The following FAM193A variants were observed in gnomAD, a reference collection of about 807,000 sequenced individuals.
FAM193A encodes protein FAM193A.
A neutral mutation model predicts 126.5 loss-of-function variants in FAM193A; 22 were observed. The ratio of observed to expected loss-of-function variants is 0.17; its 90% confidence interval spans 0.12 to 0.25. The LOEUF is 0.25. Ranked by LOEUF, FAM193A falls within the 10% of genes least tolerant of loss-of-function variation. FAM193A has a pLI of 1.00. For synonymous variants in FAM193A, 761 were observed against 646.8 expected (o/e 1.18, Z -2.68); for missense variants, 1,675 against 1,672.8 (o/e 1.00, Z -0.02).
At chr4:2,625,487 G>T in intron 3 of FAM193A, 92 bp downstream of exon 3, 1 of 582,334 alleles carries the variant, frequency 1.7e-6, no homozygotes, top group South Asian at 2.0e-5. Flanking sequence ...GGGCTAATGT[G>T]ACAGACAGCA....
intron 14 of FAM193A, among the ~76,000 whole-genome samples, chr4:2,690,085 C>G (rs1716192196): frequency 6.6e-6 from 1 of 152,234 alleles, no homozygotes. Context: ...GAAAGTGCCA[C>G]AGTTGACTTA....
At chr4:2,536,283 G>T (rs1057380468), upstream of FAM193A, among the ~76,000 whole-genome samples, 8 of 151,596 alleles carry the variant, frequency 5.3e-5, no homozygotes, top group African/African-American at 1.9e-4. Flanking sequence ...CCCTACGCCC[G>T]ACCACAACGC....
chr4:2,597,416 T>C (rs143586744), intron 2 of FAM193A, among the ~76,000 whole-genome samples: 121 of 152,322 alleles, frequency 7.9e-4, no homozygotes, highest in African/African-American at 2.7e-3. Flanking sequence ...CATTAAACTT[T>C]ATCAGCTCTT....
intron 1 of FAM193A, among the ~76,000 whole-genome samples, chr4:2,579,592 G>A (rs533993172): frequency 3.9e-5 from 6 of 152,126 alleles, no homozygotes; most frequent in South Asian, 2.1e-4. Context: ...CCAGTTACTC[G>A]GGAGGCTGAG....
At chr4:2,590,463 CAAAAA>C (rs774897240) in intron 1 of FAM193A, among the ~76,000 whole-genome samples, 3 of 13,564 alleles carry the variant, frequency 2.2e-4, no homozygotes, top group African/African-American at 8.3e-4. Context: ...GACTCCATCT[CAAAAA>C]AAAAAAACAA....
At chr4:2,634,880 A>T in intron 5 of FAM193A, among the ~76,000 whole-genome samples, 1 of 152,210 alleles carries the variant, frequency 6.6e-6, no homozygotes, top group East Asian at 1.9e-4. Flanking sequence ...CTGGGTAGAG[A>T]CTACAATGAA....
intron 5 of FAM193A, among the ~76,000 whole-genome samples, chr4:2,638,244 C>T (rs180957091): frequency 1.9e-4 from 29 of 152,334 alleles, no homozygotes; most frequent in African/African-American, 6.3e-4. Context: ...TTCTGTTCCC[C>T]GGGAACTCCT....
At position 2,539,457 on chromosome 4, in the gene FAM193A, G is replaced by C. The variant is rs572579605; in HGVS notation, c.255+2287G>C. Reference sequence around the variant, plus strand: ...TTTAAAAGAGACACGGTCTCTCTCTGTTGCATAGGCTAGAGTACAGTTGCC... The same window carrying C: ...TTTAAAAGAGACACGGTCTCTCTCTCTTGCATAGGCTAGAGTACAGTTGCC... On this transcript the variant is annotated intron_variant, in intron 1 of 20. Transcript: ENST00000637812. 5.9e-5 allele frequency among the ~76,000 whole-genome samples: 9 copies of C among 152,220 alleles called. No individual in the cohort carries two copies. In the East Asian group the frequency reaches 7.7e-4, roughly 13 times the overall value.
At chr4:2,675,370 T>C (rs1714276984) in intron 13 of FAM193A, among the ~76,000 whole-genome samples, 2 of 152,230 alleles carry the variant, frequency 1.3e-5, no homozygotes, top group Non-Finnish European at 2.9e-5. Context: ...TTCCATTGAT[T>C]CATCGGTTTC....
intron 1 of FAM193A, among the ~76,000 whole-genome samples, chr4:2,549,810 C>G (rs908482923): frequency 2.0e-5 from 3 of 152,022 alleles, no homozygotes; most frequent in African/African-American, 7.3e-5. Flanking sequence ...TCACTGCAAC[C>G]TCTGCCTCCT....
At chr4:2,642,158 G>A (rs937210631) in intron 6 of FAM193A, among the ~76,000 whole-genome samples, 9 of 144,338 alleles carry the variant, frequency 6.2e-5, no homozygotes, top group Non-Finnish European at 9.0e-5. Flanking sequence ...AAAAAAATTA[G>A]CTGGGCATGG....
intron 13 of FAM193A, among the ~76,000 whole-genome samples, chr4:2,678,791 T>C (rs79705497): frequency 2.8e-3 from 423 of 152,376 alleles, no homozygotes; most frequent in African/African-American, 7.7e-3. Context: ...CCTACTTTGC[T>C]GAATTCATCT....
chr4:2,662,369 C>T (rs1482567307), intron 10 of FAM193A, among the ~76,000 whole-genome samples: 6 of 152,130 alleles, frequency 3.9e-5, no homozygotes, highest in Non-Finnish European at 7.4e-5. Flanking sequence ...CTGACTATTT[C>T]TGAAAATTTC....
At chr4:2,708,947 TAACAG>T (rs978399073) in intron 19 of FAM193A, among the ~76,000 whole-genome samples, 3 of 152,220 alleles carry the variant, frequency 2.0e-5, no homozygotes, top group African/African-American at 7.2e-5. Flanking sequence ...TTTCTGATCT[TAACAG>T]AAATGTCTCT....
intron 1 of FAM193A, among the ~76,000 whole-genome samples, chr4:2,558,941 C>G (rs940924706): frequency 9.2e-5 from 14 of 152,166 alleles, no homozygotes; most frequent in Admixed American, 9.2e-4. Flanking sequence ...GTGGAAGTTG[C>G]ATGAACTGTG....
upstream of FAM193A, among the ~76,000 whole-genome samples, chr4:2,536,195 G>A (rs1342123850): frequency 2.0e-5 from 3 of 151,216 alleles, no homozygotes; most frequent in East Asian, 3.9e-4. Context: ...AGCGGACACC[G>A]GTCAGAGAGG....
intron 10 of FAM193A, among the ~76,000 whole-genome samples, chr4:2,661,959 G>A (rs1452606130): frequency 6.6e-6 from 1 of 152,124 alleles, no homozygotes; most frequent in African/African-American, 2.4e-5. Context: ...CGAGGCGGGC[G>A]GATCACGAGG....
intron 2 of FAM193A, among the ~76,000 whole-genome samples, chr4:2,614,261 C>T (rs910965756): frequency 3.9e-5 from 6 of 152,090 alleles, no homozygotes; most frequent in African/African-American, 1.4e-4. Flanking sequence ...TTTGGTCTTT[C>T]TTCATGTAGT....
chr4:2,645,905 T>G (rs1016209141), intron 6 of FAM193A, among the ~76,000 whole-genome samples: 4 of 152,258 alleles, frequency 2.6e-5, no homozygotes, highest in African/African-American at 9.6e-5. Context: ...GATTTTGTTT[T>G]GCTTTATTTG....
Sources: allele counts gnomAD v4.1 joint callset (sites outside exome capture counted in the v4.1 genomes callset), GRCh38; gene constraint gnomAD v4.1.1; transcripts MANE v1.5; gene names NCBI Gene and HGNC (gene_info 2026-07-23, HGNC 2026-07-21).